The following DACH1 variants were observed in gnomAD, a reference collection of about 807,000 sequenced individuals.
DACH1 encodes the protein dachshund homolog 1.
In DACH1, 12 loss-of-function variants were observed where a neutral mutation model predicts 54.2. The observed-to-expected ratio is 0.22, with a 90% CI of 0.14 to 0.36. The LOEUF is 0.36. Among genes scored for constraint, DACH1 ranks in the 10% least tolerant of loss-of-function variants. The probability of loss-of-function intolerance (pLI) is 1.00; values close to 1 mark genes in which losing one functional copy is unlikely to be tolerated. For missense variants in DACH1, 805 were observed against 929.8 expected (o/e 0.87, Z 1.75); for synonymous variants, 386 against 366.2 (o/e 1.05, Z -0.62).
chr13:71,706,199 C>T (rs1011870995), intron 1 of DACH1, among the ~76,000 whole-genome samples: 1 of 151,718 alleles, frequency 6.6e-6, no homozygotes, highest in Non-Finnish European at 1.5e-5. Flanking sequence ...TGTACAACTT[C>T]CTTGATTTTC....
chr13:71,796,293 CTTGCAG>C (rs1370741846), intron 1 of DACH1, among the ~76,000 whole-genome samples: 1 of 152,008 alleles, frequency 6.6e-6, no homozygotes, highest in African/African-American at 2.4e-5. Context: ...CTTCAGATTT[CTTGCAG>C]TTGGATAAAA....
intron 1 of DACH1, among the ~76,000 whole-genome samples, chr13:71,690,033 C>A (rs1881393554): frequency 6.6e-6 from 1 of 151,970 alleles, no homozygotes; most frequent in South Asian, 2.1e-4. Context: ...TGGAGCCTAA[C>A]CTTATCAGAT....
intron 1 of DACH1, among the ~76,000 whole-genome samples, chr13:71,766,223 C>T (rs537947197): frequency 6.6e-6 from 1 of 152,248 alleles, no homozygotes; most frequent in Admixed American, 6.5e-5. Flanking sequence ...AAATTTCCTA[C>T]TCACCTCTCC....
At chr13:71,595,949 T>A (rs991506845) in intron 3 of DACH1, among the ~76,000 whole-genome samples, 16 of 152,106 alleles carry the variant, frequency 1.1e-4, no homozygotes, top group Admixed American at 9.8e-4. Flanking sequence ...ATAACTGATA[T>A]GAGAAAAATG....
chr13:71,470,338 T>G (rs2138160264), intron 10 of DACH1, among the ~76,000 whole-genome samples: 1 of 150,456 alleles, frequency 6.6e-6, no homozygotes, highest in Admixed American at 6.6e-5. Flanking sequence ...AGACAGAGTC[T>G]CGCACTGTTG....
intron 2 of DACH1, among the ~76,000 whole-genome samples, chr13:71,677,498 GTTGTT>G (rs1427757022): frequency 1.3e-5 from 2 of 152,138 alleles, no homozygotes; most frequent in African/African-American, 4.8e-5. Flanking sequence ...CTCAAAGTTT[GTTGTT>G]TTGTTTTGTA....
intron 3 of DACH1, among the ~76,000 whole-genome samples, chr13:71,575,326 C>G (rs987176263): frequency 3.3e-5 from 5 of 151,794 alleles, no homozygotes; most frequent in African/African-American, 1.2e-4. Flanking sequence ...TAGTAGAGTG[C>G]ATATTTGAAG....
At chr13:71,632,558 C>G (rs939642097) in intron 2 of DACH1, among the ~76,000 whole-genome samples, 5 of 152,040 alleles carry the variant, frequency 3.3e-5, no homozygotes, top group African/African-American at 4.8e-5. Flanking sequence ...CTTTTCCTCC[C>G]CACTAATCAT....
intron 2 of DACH1, among the ~76,000 whole-genome samples, chr13:71,634,058 C>A (rs1055012915): frequency 2.0e-5 from 3 of 151,682 alleles, no homozygotes; most frequent in Non-Finnish European, 4.4e-5. Context: ...CTCCAACCTC[C>A]GCCTCCAGGG....
chr13:71,557,277 G>A (rs1466591268), intron 5 of DACH1, 119 bp from the exon 6 acceptor site: 1 of 679,720 alleles, frequency 1.5e-6, no homozygotes, highest in Non-Finnish European at 2.1e-6. Flanking sequence ...TTAATATAAT[G>A]GTCTACCTTT....
At chr13:71,524,797 T>TA (rs1881844156) in intron 6 of DACH1, among the ~76,000 whole-genome samples, 1 of 152,044 alleles carries the variant, frequency 6.6e-6, no homozygotes, top group African/African-American at 2.4e-5. Context: ...ATTTTTTTTT[T>TA]AACGTTCCCT....
At chr13:71,500,791 T>C (rs1047498299) in intron 6 of DACH1, among the ~76,000 whole-genome samples, 12 of 152,114 alleles carry the variant, frequency 7.9e-5, no homozygotes, top group African/African-American at 2.9e-4. Context: ...GCCTTTTTTT[T>C]TCTCTCACTC....
chr13:71,549,540 G>C (rs759205478), intron 6 of DACH1, among the ~76,000 whole-genome samples: 1 of 152,012 alleles, frequency 6.6e-6, no homozygotes, highest in Non-Finnish European at 1.5e-5. Flanking sequence ...AGATATTAAC[G>C]TGATTCAGTT....
At chr13:71,785,443 A>G (rs1391432999) in intron 1 of DACH1, among the ~76,000 whole-genome samples, 1 of 152,198 alleles carries the variant, frequency 6.6e-6, no homozygotes, top group Non-Finnish European at 1.5e-5. Context: ...AGAGTTTAGA[A>G]AATTCCCTTT....
At chr13:71,643,464 A>G (rs1355103942) in intron 2 of DACH1, among the ~76,000 whole-genome samples, 1 of 152,234 alleles carries the variant, frequency 6.6e-6, no homozygotes, top group Non-Finnish European at 1.5e-5. Flanking sequence ...CCCTTTAAAC[A>G]GCATTCATCT....
At chr13:71,516,658 C>T (rs924934475) in intron 6 of DACH1, among the ~76,000 whole-genome samples, 3 of 151,870 alleles carry the variant, frequency 2.0e-5, no homozygotes, top group African/African-American at 7.2e-5. Flanking sequence ...CCAGCTTACA[C>T]TGTGATCAAC....
intron 1 of DACH1, among the ~76,000 whole-genome samples, chr13:71,697,644 C>T (rs890721938): frequency 6.6e-6 from 1 of 152,098 alleles, no homozygotes; most frequent in Admixed American, 6.5e-5. Flanking sequence ...TTAATTTATA[C>T]TTTTACAATG....
chr13:71,633,255 C>G (rs1197469261), intron 2 of DACH1, among the ~76,000 whole-genome samples: 1 of 152,078 alleles, frequency 6.6e-6, no homozygotes, highest in Non-Finnish European at 1.5e-5. Context: ...CCTGTAAAAC[C>G]ATTCTAATCC....
chr13:71,806,785 T>C (rs1887523661), intron 1 of DACH1, among the ~76,000 whole-genome samples: 1 of 152,198 alleles, frequency 6.6e-6, no homozygotes, highest in African/African-American at 2.4e-5. Flanking sequence ...CTTCTCTATG[T>C]AGTCTAAGAT....
Sources: allele counts gnomAD v4.1 joint callset (sites outside exome capture counted in the v4.1 genomes callset), GRCh38; gene constraint gnomAD v4.1.1; transcripts MANE v1.5; gene names NCBI Gene and HGNC (gene_info 2026-07-23, HGNC 2026-07-21).